Variants in SAAL1 observed in about 807,000 individuals in gnomAD.
SAAL1 encodes the protein serum amyloid A like 1, also known as protein SAAL1.
A neutral mutation model predicts 59.8 loss-of-function variants in SAAL1; 42 were observed. The observed-to-expected ratio is 0.70, with a 90% CI of 0.55 to 0.91. The LOEUF is 0.91. Among genes scored for constraint, SAAL1 ranks in the 40% least tolerant of loss-of-function variants. SAAL1 has a pLI of 0.00. For synonymous variants in SAAL1, 191 were observed against 194.3 expected, an observed-to-expected ratio of 0.98 and a Z score of 0.14; for missense variants, 542 against 561.1, an observed-to-expected ratio of 0.97 and a Z score of 0.34.
intron 9 of SAAL1, among the ~76,000 whole-genome samples, chr11:18,085,012 C>T (rs1186608850): frequency 2.0e-5 from 3 of 152,096 alleles, no homozygotes; most frequent in Admixed American, 1.3e-4. Context: ...GTAATCTGCC[C>T]GCCTCAGCCT....
chr11:18,083,317 CACAT>C (rs1416686126), intron 10 of SAAL1: 2 of 343,916 alleles, frequency 5.8e-6, no homozygotes, highest in East Asian at 4.7e-5. Context: ...TTTATAAAAA[CACAT>C]GCATGCAAAC....
intron 2 of SAAL1, among the ~76,000 whole-genome samples, chr11:18,100,846 T>C (rs773762696): frequency 6.6e-6 from 1 of 152,166 alleles, no homozygotes; most frequent in Non-Finnish European, 1.5e-5. Flanking sequence ...CCTTGCACCA[T>C]ATACTATACA....
intron 3 of SAAL1, among the ~76,000 whole-genome samples, chr11:18,094,799 AGAGT>A (rs1219955636): frequency 1.3e-5 from 2 of 152,202 alleles, no homozygotes; most frequent in Non-Finnish European, 2.9e-5. Context: ...GAAAAGATTA[AGAGT>A]GAGTAGGGGC....
chr11:18,105,950 T>C lies in SAAL1; in HGVS notation c.92A>G (p.Tyr31Cys), dbSNP rs1848685240. Residue 31 changes from tyrosine to cysteine, a missense_variant, in exon 1 of 12, where the codon TAC becomes TGC. Coordinates refer to ENST00000524803, the MANE Select transcript of SAAL1 (RefSeq NM_138421.3). ...GACGCCGAAGAGCCAGTGTTTGCTG[T>C]AGACCGTGCTCCCTATGCAGTCTCC... The part of the protein sequence containing the change: ...AGGDCIGSTV[Y>C]SKHWLFGVLS... 1 of 1,608,506 alleles carries C rather than the reference T, an allele frequency of 6.2e-7. No homozygotes were observed. The highest frequency in any genetic ancestry group is 2.2e-5 in the East Asian group (1 of 44,654).
At chr11:18,101,819 A>AT (rs1848637092) in intron 2 of SAAL1, among the ~76,000 whole-genome samples, 3 of 114,296 alleles carry the variant, frequency 2.6e-5, no homozygotes, top group African/African-American at 1.1e-4. Context: ...CCATTCAGCA[A>AT]TAAAAAAAAA....
intron 11 of SAAL1, 115 bp downstream of exon 11, chr11:18,081,296 A>G: frequency 1.4e-6 from 1 of 706,576 alleles, no homozygotes; most frequent in Non-Finnish European, 2.5e-6. Context: ...GCATTAAGTC[A>G]TATAAATTGT....
At chr11:18,095,129 GGGA>G in intron 3 of SAAL1, among the ~76,000 whole-genome samples, 1 of 152,144 alleles carries the variant, frequency 6.6e-6, no homozygotes, top group Non-Finnish European at 1.5e-5. Flanking sequence ...TAGTGATGCG[GGGA>G]CATGCTTAAG....
At chr11:18,101,464 C>T (rs1405780584) in intron 2 of SAAL1, among the ~76,000 whole-genome samples, 1 of 152,192 alleles carries the variant, frequency 6.6e-6, no homozygotes, top group Admixed American at 6.5e-5. Context: ...GGCATTTCCC[C>T]TGCTCGCACT....
chr11:18,094,436 C>T (rs949621411), intron 3 of SAAL1, among the ~76,000 whole-genome samples: 2 of 152,106 alleles, frequency 1.3e-5, no homozygotes, highest in Non-Finnish European at 2.9e-5. Flanking sequence ...AACCATCCCC[C>T]ATGTATACCA....
chr11:18,103,331 T>C lies in SAAL1; in HGVS notation c.151A>G (p.Asn51Asp). The change falls in exon 2 of 12, where the codon AAC becomes GAC. Residue 51 changes from asparagine (N) to aspartate (D), a missense_variant. Coordinates refer to ENST00000524803, the MANE Select transcript of SAAL1 (RefSeq NM_138421.3). ...TCATCATCTGAGCTAGATTTGGTGT[T>C]TTCAGGGCTAACAATCTTCAGAAAC... ...SGLIQIVSPE[N>D]TKSSSDDEEQ... 6.2e-7 allele frequency: 1 copy of C among 1,613,164 alleles called. No individual in the cohort carries two copies. Among genetic ancestry groups the C allele is most frequent in the Non-Finnish European group, 8.5e-7 (1 of 1,179,368 alleles).
intron 2 of SAAL1, among the ~76,000 whole-genome samples, chr11:18,102,975 G>A (rs1224291967): frequency 6.6e-6 from 1 of 152,076 alleles, no homozygotes; most frequent in East Asian, 1.9e-4. Flanking sequence ...AACTTTCCCG[G>A]CCTACATGTG....
In SAAL1 at chr11:18,106,008, G is replaced by C. The variant is rs775017394; in HGVS notation, c.34C>G (p.Arg12Gly). The part of the protein sequence containing the change: ...DRNPSPPPPG[R>G]DKEEEEEVAG... ...ACCTCCTCCTCCTCCTCCTTGTCGC[G>C]ACCCGGCGGCGGCGGCGAGGGGTTG... is the stretch of plus-strand genomic sequence containing the variant. Residue 12 changes from arginine (R) to glycine (G), a missense_variant, in exon 1 of 12, where the codon CGC becomes GGC. By Grantham distance (125) the Arg-to-Gly change is moderately radical. Coordinates refer to ENST00000524803, the MANE Select transcript of SAAL1 (RefSeq NM_138421.3). The C allele has an allele frequency of 4.4e-6, 7 of 1,596,244 alleles. No individual in the cohort carries two copies. In the African/African-American group the frequency reaches 8.0e-5, roughly 18 times the overall value.
chr11:18,104,157 A>G (rs1848664624), intron 1 of SAAL1, among the ~76,000 whole-genome samples: 1 of 152,226 alleles, frequency 6.6e-6, no homozygotes, highest in Non-Finnish European at 1.5e-5. Context: ...GTTTATATCA[A>G]TTAGCTATGG....
intron 1 of SAAL1, among the ~76,000 whole-genome samples, chr11:18,104,354 C>T (rs1424951474): frequency 3.3e-5 from 5 of 151,706 alleles, no homozygotes; most frequent in African/African-American, 9.7e-5. Flanking sequence ...TAGATCTACT[C>T]TTTCAACATT....
At chr11:18,094,431 T>C (rs1848552219) in intron 3 of SAAL1, among the ~76,000 whole-genome samples, 1 of 152,004 alleles carries the variant, frequency 6.6e-6, no homozygotes, top group East Asian at 1.9e-4. Context: ...CTTGCAACCA[T>C]CCCCCATGTA....
chr11:18,081,426 A>AG lies in SAAL1; in HGVS notation c.1316dup (p.Tyr441LeufsTer2). Reference sequence around the variant, plus strand: ...CCATACTCACCACAGGGCTATAGAAAGGAAGAAGGTTTTGAAATGCAGAGG... The same window carrying AG: ...CCATACTCACCACAGGGCTATAGAAAGGGAAGAAGGTTTTGAAATGCAGAGG... On this transcript the variant is annotated frameshift_variant, in exon 11 of 12. Coordinates refer to ENST00000524803, the MANE Select transcript of SAAL1 (RefSeq NM_138421.3). LOFTEE classifies it high-confidence loss of function. The AG allele has an allele frequency of 6.2e-7, 1 of 1,613,854 alleles. No homozygotes were observed. Among genetic ancestry groups the AG allele is most frequent in the East Asian group, 2.2e-5 (1 of 44,884 alleles).
intron 3 of SAAL1, among the ~76,000 whole-genome samples, chr11:18,093,320 A>G (rs1848541470): frequency 6.6e-6 from 1 of 152,210 alleles, no homozygotes; most frequent in African/African-American, 2.4e-5. Context: ...AAAAACAAAC[A>G]AAAATGTATG....
chr11:18,099,601 G>A (rs2134064647), intron 2 of SAAL1, among the ~76,000 whole-genome samples: 1 of 152,344 alleles, frequency 6.6e-6, no homozygotes, highest in South Asian at 2.1e-4. Context: ...ATGCTTTGAT[G>A]AGAAGGAATT....
chr11:18,103,157 A>C (rs1291921485), intron 2 of SAAL1, 76 bp downstream of exon 2: 2 of 963,276 alleles, frequency 2.1e-6, no homozygotes, highest in Admixed American at 3.4e-5. Flanking sequence ...AGAGTGAAGG[A>C]CTGAACCGTT....
Sources: gnomAD v4.1 joint callset for allele counts (sites outside exome capture counted in the v4.1 genomes callset) on GRCh38, gnomAD v4.1.1 for gene constraint, MANE v1.5 for transcripts, NCBI Gene and HGNC (gene_info 2026-07-23, HGNC 2026-07-21) for gene names.